Variants in COL27A1 observed in about 807,000 individuals in gnomAD.
COL27A1 encodes the protein collagen type XXVII alpha 1 chain.
COL27A1 carries 106 observed loss-of-function variants against 251.3 expected under a neutral mutation model. That is an observed-to-expected ratio of 0.42 (90% CI 0.36 to 0.50). The LOEUF is 0.50. Among genes scored for constraint, COL27A1 ranks in the 20% least tolerant of loss-of-function variants. The pLI, the probability that COL27A1 is intolerant of heterozygous loss-of-function variation, is 0.00. For missense variants in COL27A1, 2,325 were observed against 2,522.8 expected (o/e 0.92, Z 1.68); for synonymous variants, 1,000 against 986.3 (o/e 1.01, Z -0.26).
rs369580349 is a variant in COL27A1, at chr9:114,282,445, C to T, written c.3772-12C>T. ...TGGGCCTGGTGACAGCTTGTCTTTC[C>T]TCCTGTTGCAGGGTGCCAAGGGCTA... On this transcript the variant is annotated splice_polypyrimidine_tract_variant and intron_variant, in intron 38 of 60. Coordinates refer to ENST00000356083, the MANE Select transcript of COL27A1 (RefSeq NM_032888.4). 70 of 1,607,988 alleles carry T rather than the reference C, an allele frequency of 4.4e-5. No individual in the cohort carries two copies. Among genetic ancestry groups the T allele is most frequent in the Non-Finnish European group, 5.7e-5 (67 of 1,176,928 alleles).
intron 16 of COL27A1, among the ~76,000 whole-genome samples, chr9:114,234,916 A>C (rs1403467058): frequency 3.3e-5 from 5 of 151,358 alleles, no homozygotes; most frequent in Non-Finnish European, 7.4e-5. Flanking sequence ...AAAATACAAA[A>C]AAAAAAAAAA....
Position 114,168,814 on chromosome 9 carries a change from G to T in COL27A1, c.1259G>T (p.Arg420Leu). The change falls in exon 3 of 61, where the codon CGT (arginine) becomes CTT (leucine). Residue 420 changes from arginine to leucine, a missense_variant. By Grantham distance (102) the Arg-to-Leu change is moderately radical. This residue lies in a region of COL27A1 where 1,183 missense variants were observed against 1,144.1 expected (regional missense o/e 1.03). Transcript: ENST00000356083. ...TSRPVPARVS[R>L]PAEKPIQRNP... ...CGTCCAGTTCCTGCCAGAGTCTCCCGTCCCGCAGAGAAGCCCATCCAGAGG... is the reference window on the plus strand; with the variant it reads ...CGTCCAGTTCCTGCCAGAGTCTCCCTTCCCGCAGAGAAGCCCATCCAGAGG... 2 of 1,613,828 alleles carry T rather than the reference G, an allele frequency of 1.2e-6. No homozygotes were observed. The highest frequency in any genetic ancestry group is 4.5e-5 in the East Asian group (2 of 44,852).
intron 13 of COL27A1, among the ~76,000 whole-genome samples, chr9:114,220,571 C>T (rs938710792): frequency 3.3e-5 from 5 of 152,172 alleles, no homozygotes; most frequent in African/African-American, 1.2e-4. Context: ...GGGATTATAG[C>T]CTTGACCTCA....
chr9:114,264,481 C>A, intron 29 of COL27A1, 73 bp downstream of exon 29: 2 of 1,209,790 alleles, frequency 1.7e-6, no homozygotes, highest in Non-Finnish European at 2.3e-6. Flanking sequence ...AGGCTCACAG[C>A]TCCTCAGAAC....
rs372619657 is a variant in COL27A1, at chr9:114,195,998, C to G, written c.2110C>G (p.Pro704Ala). 32 of 1,613,956 alleles carry G rather than the reference C, an allele frequency of 2.0e-5. No individual in the cohort carries two copies. Among genetic ancestry groups the G allele is most frequent in the Non-Finnish European group, 2.5e-5 (30 of 1,179,962 alleles). Residue 704 changes from proline to alanine, a missense_variant, in exon 7 of 61, where the codon CCT becomes GCT. By Grantham distance (27) the Pro-to-Ala change is conservative. Around this residue, in one of 4 missense-constraint regions of COL27A1, gnomAD observed 1,183 missense variants for 1,144.1 expected, o/e 1.03. Transcript: ENST00000356083. ...GCCTGGGCTCTCCGGGAATCCAGGA[C>G]CTCCGGGACGAAAGGTACTGTTTGG... ...GLPGLSGNPG[P>A]PGRKGHKGYP... is the part of the protein sequence containing the mutation.
Position 114,235,655 on chromosome 9 carries a change from A to G in COL27A1, c.2619+3A>G. On this transcript the variant is annotated splice_donor_region_variant and intron_variant, in intron 17 of 60. Coordinates refer to ENST00000356083, the MANE Select transcript of COL27A1 (RefSeq NM_032888.4). ...ATCCCGGATTCCAAGGAGACAAGGT[A>G]ATTGCATGAGATTTTCCCCTCCCCC... is the stretch of plus-strand genomic sequence containing the variant. The G allele has an allele frequency of 1.2e-6, 2 of 1,611,776 alleles. No individual in the cohort carries two copies. The highest frequency in any genetic ancestry group is 1.7e-6 in the Non-Finnish European group (2 of 1,177,998).
Position 114,190,298 on chromosome 9 carries a change from GT to G in COL27A1, c.2017-4105del, listed in dbSNP as rs150908719. ...CATTTATTTGTTTGTTTGAGACAGGGTCTTGGTCTGTCATCCAGGCTGGAGT... is the reference window on the plus strand; with the variant it reads ...CATTTATTTGTTTGTTTGAGACAGGGCTTGGTCTGTCATCCAGGCTGGAGT... On this transcript the variant is annotated intron_variant, in intron 5 of 60. Transcript: ENST00000356083. Among the ~76,000 whole-genome samples the G allele has an allele frequency of 2.7e-3, 410 of 152,282 alleles. 3 individuals are homozygous for G. The East Asian group carries it at 0.036, about 13-fold the overall frequency.
intron 7 of COL27A1, among the ~76,000 whole-genome samples, chr9:114,199,259 G>A (rs1478164297): frequency 6.6e-6 from 1 of 152,132 alleles, no homozygotes; most frequent in Non-Finnish European, 1.5e-5. Context: ...AACTGGGAGG[G>A]AGGTGCTACT....
At chr9:114,281,768 G>A (rs1045877075) in intron 37 of COL27A1, among the ~76,000 whole-genome samples, 6 of 152,206 alleles carry the variant, frequency 3.9e-5, no homozygotes, top group Non-Finnish European at 8.8e-5. Flanking sequence ...TTGATTCAGG[G>A]CCTGCAAGGC....
In COL27A1 at chr9:114,167,952, G is replaced by A. The variant is rs146793976; in HGVS notation, c.397G>A (p.Gly133Ser). 1.4e-4 allele frequency: 233 copies of A among 1,608,690 alleles called. 1 individual carries two copies. In the African/African-American group the frequency reaches 2.8e-3, roughly 19 times the overall value. ...GCAGCTGGGCCTGCAGTTCCTCCCC[G>A]GCAAGACGGTCGTCCACCTCGGGTC... ...KLQLGLQFLPGKTVVHLGSRR... is the reference protein window; with the variant it reads ...KLQLGLQFLPSKTVVHLGSRR... The change falls in exon 3 of 61, where the codon GGC (glycine) becomes AGC (serine). Residue 133 changes from glycine to serine, a missense_variant. Physicochemically the swap from Gly to Ser is moderately conservative, Grantham distance 56 (BLOSUM62 0). Coordinates refer to ENST00000356083, the MANE Select transcript of COL27A1 (RefSeq NM_032888.4).
At chr9:114,296,767 G>A (rs1228012383) in intron 49 of COL27A1, among the ~76,000 whole-genome samples, 1 of 152,130 alleles carries the variant, frequency 6.6e-6, no homozygotes, top group Non-Finnish European at 1.5e-5. Context: ...GTGCTTAGCA[G>A]CTTTATTTAT....
At chr9:114,236,016 A>C (rs1832370652) in intron 17 of COL27A1, among the ~76,000 whole-genome samples, 2 of 151,820 alleles carry the variant, frequency 1.3e-5, no homozygotes, top group Non-Finnish European at 2.9e-5. Context: ...CAGTGAGTGC[A>C]TCTCTCTGAT....
chr9:114,242,356 A>G, intron 22 of COL27A1, 125 bp downstream of exon 22: 1 of 771,178 alleles, frequency 1.3e-6, no homozygotes, highest in South Asian at 2.0e-5. Flanking sequence ...CCAGCCAGAG[A>G]GAGAACTAGG....
chr9:114,283,385 A>C (rs1204942948), intron 39 of COL27A1, among the ~76,000 whole-genome samples: 1 of 152,236 alleles, frequency 6.6e-6, no homozygotes, highest in Non-Finnish European at 1.5e-5. Context: ...CTTTGTTTTT[A>C]ATAACATTAA....
At chr9:114,206,712 T>G (rs1019300522) in intron 10 of COL27A1, among the ~76,000 whole-genome samples, 12 of 152,160 alleles carry the variant, frequency 7.9e-5, no homozygotes, top group Non-Finnish European at 1.5e-4. Context: ...GCACCTGGTG[T>G]GGGAATGCTG....
chr9:114,243,186 G>A (rs1342174459), intron 22 of COL27A1, among the ~76,000 whole-genome samples: 1 of 152,150 alleles, frequency 6.6e-6, no homozygotes, highest in Non-Finnish European at 1.5e-5. Context: ...TGCATAAACT[G>A]TTCCTTCCCT....
chr9:114,198,261 T>C (rs750786918), intron 7 of COL27A1, among the ~76,000 whole-genome samples: 4 of 152,204 alleles, frequency 2.6e-5, no homozygotes, highest in Admixed American at 6.5e-5. Flanking sequence ...CAAAAATCCC[T>C]GCCCCACAGG....
At chr9:114,254,339 G>C (rs1833775923) in intron 27 of COL27A1, among the ~76,000 whole-genome samples, 2 of 150,846 alleles carry the variant, frequency 1.3e-5, no homozygotes, top group African/African-American at 4.9e-5. Flanking sequence ...TCAAGTTCAA[G>C]AGCCCCTTCT....
At chr9:114,195,221 A>T (rs1829036786) in intron 6 of COL27A1, among the ~76,000 whole-genome samples, 1 of 152,174 alleles carries the variant, frequency 6.6e-6, no homozygotes, top group Non-Finnish European at 1.5e-5. Flanking sequence ...GCTTAAAGGC[A>T]CCTAGAATTG....
Sources: gnomAD v4.1 joint callset for allele counts (sites outside exome capture counted in the v4.1 genomes callset) on GRCh38, gnomAD v4.1.1 for gene constraint, gnomAD v4.1.1 regional missense constraint, MANE v1.5 for transcripts, NCBI Gene and HGNC (gene_info 2026-07-23, HGNC 2026-07-21) for gene names.